Variants in PHACTR2 observed in about 807,000 individuals in gnomAD.
PHACTR2 encodes the protein chromosome 6 open reading frame 56.
A neutral mutation model predicts 76.0 loss-of-function variants in PHACTR2; 30 were observed. The observed-to-expected ratio is 0.39, with a 90% confidence interval of 0.30 to 0.54. PHACTR2 has a LOEUF of 0.54. Ranked by LOEUF, PHACTR2 falls within the 20% of genes least tolerant of loss-of-function variation. The probability of loss-of-function intolerance (pLI) is 0.61; values close to 1 mark genes in which losing one functional copy is unlikely to be tolerated. For synonymous variants in PHACTR2, 292 were observed against 292.5 expected, an observed-to-expected ratio of 1.00 and a Z score of 0.02; for missense variants, 696 against 781.1, an observed-to-expected ratio of 0.89 and a Z score of 1.30.
intron 1 of PHACTR2, among the ~76,000 whole-genome samples, chr6:143,582,219 A>G (rs1429000785): frequency 6.6e-6 from 1 of 152,212 alleles, no homozygotes; most frequent in Non-Finnish European, 1.5e-5. Flanking sequence ...TCGTTTTGGA[A>G]ATAGAATCTC....
intron 1 of PHACTR2, among the ~76,000 whole-genome samples, chr6:143,706,182 A>G (rs1778049065): frequency 6.6e-6 from 1 of 152,120 alleles, no homozygotes; most frequent in Admixed American, 6.6e-5. Flanking sequence ...TTCTGGGACT[A>G]CAAGATGTTG....
intron 1 of PHACTR2, among the ~76,000 whole-genome samples, chr6:143,577,639 G>C (rs1365631957): frequency 6.6e-6 from 1 of 152,132 alleles, no homozygotes; most frequent in Non-Finnish European, 1.5e-5. Context: ...ATTGTGCAAG[G>C]CTTTGAATCA....
Position 143,753,767 on chromosome 6 carries a change from A to C in PHACTR2, c.309A>C (p.Thr103=), listed in dbSNP as rs372516074. The change falls in exon 4 of 13, where the codon ACA becomes ACC. Residue 103 remains threonine (T), a synonymous_variant. Coordinates refer to ENST00000440869, the MANE Select transcript of PHACTR2 (RefSeq NM_001100164.2). This position sits in a 1 kb window ranked among gnomAD's most constrained non-coding sequence, Gnocchi z 4.6. ...TTCCCATTTTAGATGGAGATGTAACAGTTAACTTTGAAAATTCAAACGGGC... is the reference window on the plus strand; with the variant it reads ...TTCCCATTTTAGATGGAGATGTAACCGTTAACTTTGAAAATTCAAACGGGC... ...KELPDQDGDV[T]VNFENSNGHM... is the part of the protein sequence containing the mutation. The C allele has an allele frequency of 4.4e-6, 7 of 1,598,548 alleles. No individual in the cohort carries two copies. The highest frequency in any genetic ancestry group is 1.4e-5 in the African/African-American group (1 of 73,896).
chr6:143,740,143 C>T (rs1262589987), intron 2 of PHACTR2, among the ~76,000 whole-genome samples: 1 of 152,146 alleles, frequency 6.6e-6, no homozygotes, highest in Non-Finnish European at 1.5e-5. Context: ...GTTCATGCCT[C>T]CCCTTTTTAG....
chr6:143,573,392 C>G (rs544794898), intron 1 of PHACTR2, among the ~76,000 whole-genome samples: 150 of 152,268 alleles, frequency 9.9e-4, no homozygotes, highest in African/African-American at 3.5e-3. Flanking sequence ...AGTTTCTTCT[C>G]TATTCCATGG....
At chr6:143,631,369 T>A (rs1000672525) in intron 1 of PHACTR2, among the ~76,000 whole-genome samples, 38 of 151,954 alleles carry the variant, frequency 2.5e-4, no homozygotes, top group South Asian at 8.3e-4. Flanking sequence ...TTAAAAAAAA[T>A]TTTTTTTAGA....
At chr6:143,579,632 A>G (rs114907944) in intron 1 of PHACTR2, among the ~76,000 whole-genome samples, 1,574 of 152,194 alleles carry the variant, frequency 0.01, 20 homozygotes, top group African/African-American at 0.036. Context: ...ACTCAGTGAG[A>G]CCTGGGAAGG....
chr6:143,716,125 G>A (rs376163534), intron 2 of PHACTR2, among the ~76,000 whole-genome samples: 7 of 152,210 alleles, frequency 4.6e-5, no homozygotes, highest in South Asian at 4.1e-4. Flanking sequence ...TCAGGAAGCC[G>A]AGTGACCAAG....
rs548312561 is a variant in PHACTR2, at chr6:143,550,016, T to A, written c.217+12809T>A. ...CAGAAAGTGCCAAGGCTACCATTTTTTGCTAGGTGGGAGTTGGAGTGATAT... is the reference window on the plus strand; with the variant it reads ...CAGAAAGTGCCAAGGCTACCATTTTATGCTAGGTGGGAGTTGGAGTGATAT... On this transcript the variant is annotated intron_variant, in intron 1 of 11. Coordinates refer to the PHACTR2 transcript ENST00000367584. The surrounding 1 kb of genome is among the most constrained non-coding windows in gnomAD (Gnocchi z 4.8). Among the ~76,000 whole-genome samples, 1 of 152,126 alleles carries A rather than the reference T, an allele frequency of 6.6e-6. No individual in the cohort carries two copies. The highest frequency in any genetic ancestry group is 1.9e-4 in the East Asian group (1 of 5,182).
Position 143,712,037 on chromosome 6 carries a change from C to G in PHACTR2, c.68C>G (p.Ser23Cys), listed in dbSNP as rs748096138. 6.3e-7 allele frequency: 1 copy of G among 1,589,736 alleles called. No homozygotes were observed. Among genetic ancestry groups the G allele is most frequent in the East Asian group, 2.3e-5 (1 of 44,330 alleles). Residue 23 changes from serine (S) to cysteine (C), a missense_variant, in exon 2 of 13, where the codon TCT becomes TGT. Coordinates refer to ENST00000440869, the MANE Select transcript of PHACTR2 (RefSeq NM_001100164.2). Reference sequence around the variant, plus strand: ...ACAGTTGACGGACTGGACAAAGCTTCTATAGCAAACTCAGATGGCCCCACA... The same window carrying G: ...ACAGTTGACGGACTGGACAAAGCTTGTATAGCAAACTCAGATGGCCCCACA... ...PGSVDGLDKA[S>C]IANSDGPTAG... is the part of the protein sequence containing the mutation.
rs561365113 is a variant in PHACTR2 at position 143,548,892 on chromosome 6, G to T, written c.217+11685G>T. Among the ~76,000 whole-genome samples the T allele has an allele frequency of 2.0e-5, 3 of 151,988 alleles. No individual in the cohort carries two copies. The South Asian group carries it at 6.3e-4, about 32-fold the overall frequency. The stretch of plus-strand genomic sequence containing the variant: ...TGCACCATAGGTGTTTTAGAGTTGT[G>T]GGGGAAACAAGCAAGAATGAGGCAT... On this transcript the variant is annotated intron_variant, in intron 1 of 11. Transcript: ENST00000367584. The surrounding 1 kb of genome is among the most constrained non-coding windows in gnomAD (Gnocchi z 4.5).
At chr6:143,736,763 A>G (rs1391727957) in intron 2 of PHACTR2, among the ~76,000 whole-genome samples, 1 of 151,148 alleles carries the variant, frequency 6.6e-6, no homozygotes, top group Non-Finnish European at 1.5e-5. Context: ...TTTAATAGAG[A>G]CGGGGTTTTA....
rs2128439134 is a variant in PHACTR2 at position 143,617,523 on chromosome 6, A to G, written c.13+9201A>G. 6.6e-6 allele frequency among the ~76,000 whole-genome samples: 1 copy of G among 152,290 alleles called. No individual in the cohort carries two copies. Among genetic ancestry groups the G allele is most frequent in the South Asian group, 2.1e-4 (1 of 4,824 alleles). ...CGGGACTTTGGAGTGGGGTCAGGAC[A>G]TTGGTGTTTGTTTAAAAGCTCCCCA... is the stretch of plus-strand genomic sequence containing the variant. On this transcript the variant is annotated intron_variant, in intron 1 of 11. Coordinates refer to the PHACTR2 transcript ENST00000305766. This position sits in a 1 kb window ranked among gnomAD's most constrained non-coding sequence, Gnocchi z 4.8.
rs1189822124 is a variant in PHACTR2 at position 143,697,927 on chromosome 6, TG to T, written c.47-14088del. Among the ~76,000 whole-genome samples the T allele has an allele frequency of 6.6e-6, 1 of 152,194 alleles. No homozygotes were observed. Among genetic ancestry groups the T allele is most frequent in the African/African-American group, 2.4e-5 (1 of 41,456 alleles). On this transcript the variant is annotated intron_variant, in intron 1 of 12. Transcript: ENST00000440869. This position sits in a 1 kb window ranked among gnomAD's most constrained non-coding sequence, Gnocchi z 4.4. ...AGTGGTGAGAAGTATTATTTTTTCT[TG>T]CTTCTCAGAGAGGTAGTCTTTTTTT...
At chr6:143,802,709 C>T (rs1476023222) in intron 11 of PHACTR2, among the ~76,000 whole-genome samples, 1 of 149,782 alleles carries the variant, frequency 6.7e-6, no homozygotes, top group South Asian at 2.1e-4. Context: ...GGCCTAAAAC[C>T]TGGTCTCCTT....
At chr6:143,574,692 TAA>T (rs61503676) in intron 1 of PHACTR2, among the ~76,000 whole-genome samples, 233 of 147,990 alleles carry the variant, frequency 1.6e-3, no homozygotes, top group Middle Eastern at 3.5e-3. Flanking sequence ...TTGATGGCAT[TAA>T]AAAAAAAAAA....
At chr6:143,690,145 C>G (rs925305901) in intron 1 of PHACTR2, among the ~76,000 whole-genome samples, 1 of 152,234 alleles carries the variant, frequency 6.6e-6, no homozygotes, top group African/African-American at 2.4e-5. Flanking sequence ...TGTTAGCTTG[C>G]TAAGTGTCCT....
intron 1 of PHACTR2, among the ~76,000 whole-genome samples, chr6:143,538,745 T>C (rs1460033739): frequency 6.6e-6 from 1 of 152,276 alleles, no homozygotes; most frequent in Non-Finnish European, 1.5e-5. Context: ...TCTTGTCATA[T>C]TGTTTTTGCC....
chr6:143,674,541 C>T (rs1164556583), upstream of PHACTR2, among the ~76,000 whole-genome samples: 2 of 152,056 alleles, frequency 1.3e-5, no homozygotes, highest in Non-Finnish European at 2.9e-5. The surrounding 1 kb of genome is among the most constrained non-coding windows in gnomAD (Gnocchi z 4.9). Context: ...TTGTATATGG[C>T]CACTATCAAC....
Sources: gnomAD v4.1 joint callset for allele counts (sites outside exome capture counted in the v4.1 genomes callset) on GRCh38, gnomAD v4.1.1 for gene constraint, Gnocchi (gnomAD v3.1) non-coding constraint, MANE v1.5 for transcripts, NCBI Gene and HGNC (gene_info 2026-07-23, HGNC 2026-07-21) for gene names.